The following TTF2 variants were observed in gnomAD, a reference collection of about 807,000 sequenced individuals.
The protein encoded by TTF2 is transcription termination factor 2, also known as RNA polymerase II termination factor.
A neutral mutation model predicts 142.4 loss-of-function variants in TTF2; 108 were observed. That is an observed-to-expected ratio of 0.76 (90% CI 0.65 to 0.89). TTF2 has a LOEUF of 0.89. Ranked by LOEUF, TTF2 falls within the 40% of genes least tolerant of loss-of-function variation. The probability of loss-of-function intolerance (pLI) is 0.00; values close to 1 mark genes in which losing one functional copy is unlikely to be tolerated. For synonymous variants in TTF2, 483 were observed against 506.2 expected, an observed-to-expected ratio of 0.95 and a Z score of 0.61; for missense variants, 1,327 against 1,379.8, an observed-to-expected ratio of 0.96 and a Z score of 0.61.
rs1358427935 is a variant in TTF2, at chr1:117,076,785, G to T, written c.1535G>T (p.Cys512Phe). Reference protein sequence around the residue: ...PVGSLELKSACQVTAGGSSQC... With the variant: ...PVGSLELKSAFQVTAGGSSQC... ...GGTTCTCTAGAACTAAAGTCTGCCT[G>T]CCAGGTGACTGCTGGAGGATCCAGT... Residue 512 changes from cysteine (C) to phenylalanine (F), a missense_variant, in exon 7 of 23, where the codon TGC becomes TTC. By Grantham distance (205) the Cys-to-Phe change is radical. Transcript: ENST00000369466. The surrounding 1 kb of genome is among the most constrained non-coding windows in gnomAD (Gnocchi z 4.6). 5 of 1,613,870 alleles carry T rather than the reference G, an allele frequency of 3.1e-6. No homozygotes were observed. The African/African-American group carries it at 6.7e-5, about 22-fold the overall frequency.
At chr1:117,067,137 G>T (rs77392162) in intron 3 of TTF2, among the ~76,000 whole-genome samples, 1 of 152,146 alleles carries the variant, frequency 6.6e-6, no homozygotes, top group African/African-American at 2.4e-5. Context: ...ACTGAGAAGG[G>T]TTTATTATTT....
intron 11 of TTF2, 35 bp downstream of exon 11, chr1:117,084,203 A>T (rs1232156064): frequency 6.2e-7 from 1 of 1,612,152 alleles, no homozygotes; most frequent in Non-Finnish European, 8.5e-7. Flanking sequence ...GGGGGCGTTC[A>T]GCACCTCTGC....
At position 117,073,628 on chromosome 1, in the gene TTF2, A is replaced by C. The variant is rs1470202456; in HGVS notation, c.219-33A>C. Reference sequence around the variant, plus strand: ...ATCTCTTGTTCTAATGGATTTTCATAGCCTTGATTATTTGTGTTTTATACT... The same window carrying C: ...ATCTCTTGTTCTAATGGATTTTCATCGCCTTGATTATTTGTGTTTTATACT... On this transcript the variant is annotated intron_variant, in intron 3 of 22. Coordinates refer to ENST00000369466, the MANE Select transcript of TTF2 (RefSeq NM_003594.4). This position sits in a 1 kb window ranked among gnomAD's most constrained non-coding sequence, Gnocchi z 4.4. 5 of 1,572,542 alleles carry C rather than the reference A, an allele frequency of 3.2e-6. No homozygotes were observed. Among genetic ancestry groups the C allele is most frequent in the Non-Finnish European group, 4.4e-6 (5 of 1,149,042 alleles).
rs1185502920 is a variant in TTF2 at position 117,106,525 on chromosome 1, A to G, written c.*5001A>G. The G allele has an allele frequency of 1.3e-5, 2 of 152,262 alleles. No individual in the cohort carries two copies. Among genetic ancestry groups the G allele is most frequent in the African/African-American group, 4.8e-5 (2 of 41,472 alleles). 9.4% of individuals were successfully genotyped at this position (152,262 alleles called of 1,614,324 possible). A position where few individuals can be genotyped will look rare whatever the true frequency, so the allele number is the denominator to read the frequency against. ...AGGCACTGCTGGGCACTGGAAATAT[A>G]AAAGTAAGCAAAAATGAAAAACTAT... is the stretch of plus-strand genomic sequence containing the variant. On this transcript the variant is annotated 3_prime_UTR_variant, in exon 23 of 23. Transcript: ENST00000369466.
intron 16 of TTF2, 74 bp downstream of exon 16, chr1:117,091,484 G>A: frequency 2.1e-6 from 3 of 1,444,294 alleles, no homozygotes; most frequent in Admixed American, 4.3e-5. Flanking sequence ...ACACAGAAAT[G>A]TGAGGTTATG....
Position 117,076,544 on chromosome 1 carries a change from G to A in TTF2, c.1391-97G>A. Reference sequence around the variant, plus strand: ...TTCTCTAGGAATCCTTCATCGGAATGGTGATGATCCCTCTCTCTTGACCTC... The same window carrying A: ...TTCTCTAGGAATCCTTCATCGGAATAGTGATGATCCCTCTCTCTTGACCTC... On this transcript the variant is annotated intron_variant, in intron 6 of 22. Transcript: ENST00000369466. The surrounding 1 kb of genome is among the most constrained non-coding windows in gnomAD (Gnocchi z 4.6). The A allele has an allele frequency of 7.7e-7, 1 of 1,300,936 alleles. No homozygotes were observed. Among genetic ancestry groups the A allele is most frequent in the Non-Finnish European group, 1.1e-6 (1 of 945,914 alleles). 80.6% of individuals were successfully genotyped at this position (1,300,936 alleles called of 1,614,324 possible).
At chr1:117,074,774 T>C (rs1375651014) in intron 4 of TTF2, 96 bp from the exon 5 acceptor site, 4 of 1,169,492 alleles carry the variant, frequency 3.4e-6, no homozygotes, top group Non-Finnish European at 4.7e-6. Flanking sequence ...ATGTACCCCC[T>C]GTATATAAAA....
intron 8 of TTF2, among the ~76,000 whole-genome samples, chr1:117,078,729 G>A (rs1647220965): frequency 1.3e-5 from 2 of 152,188 alleles, no homozygotes; most frequent in Admixed American, 1.3e-4. Context: ...TTTAAGCAGG[G>A]ATGACTGATG....
chr1:117,074,112 TCTC>T lies in TTF2; in HGVS notation c.285+388_285+390del, dbSNP rs575401661. Among the ~76,000 whole-genome samples the T allele has an allele frequency of 9.9e-5, 15 of 152,242 alleles. No homozygotes were observed. The East Asian group carries it at 2.9e-3, about 29-fold the overall frequency. ...TAGTATGTTAGAACTAGGAGGAGCA[TCTC>T]CTAATAGGAGAAGCCCTACAGATAT... On this transcript the variant is annotated intron_variant, in intron 4 of 22. Transcript: ENST00000369466.
chr1:117,078,527 A>G (rs1647208581), intron 8 of TTF2, among the ~76,000 whole-genome samples: 1 of 152,216 alleles, frequency 6.6e-6, no homozygotes, highest in South Asian at 2.1e-4. Context: ...GCAGAGAGGA[A>G]AGGAATAAAA....
chr1:117,094,361 A>C (rs1433127139), intron 18 of TTF2, among the ~76,000 whole-genome samples: 2 of 152,092 alleles, frequency 1.3e-5, no homozygotes, highest in Non-Finnish European at 2.9e-5. Context: ...CTTCTCCAGC[A>C]TTCTGGGGGT....
chr1:117,095,742 A>G (rs1364819863), intron 19 of TTF2, among the ~76,000 whole-genome samples: 1 of 152,146 alleles, frequency 6.6e-6, no homozygotes, highest in Admixed American at 6.5e-5. Context: ...ATTCAATATA[A>G]AAATTTAGAA....
intron 3 of TTF2, among the ~76,000 whole-genome samples, chr1:117,064,708 G>A (rs998898482): frequency 1.3e-5 from 2 of 151,890 alleles, no homozygotes; most frequent in African/African-American, 2.4e-5. Context: ...TAGTAGAAAC[G>A]GAGTTTCACC....
rs1327843505 is a variant in TTF2 at position 117,076,351 on chromosome 1, C to T, written c.1390+57C>T. On this transcript the variant is annotated intron_variant, in intron 6 of 22. Transcript: ENST00000369466. The surrounding 1 kb of genome is among the most constrained non-coding windows in gnomAD (Gnocchi z 4.6). ...TTGCATCGACTTTACAAGAGACATTCGGGAAGCCCTTTTAATAAAGAATGT... is the reference window on the plus strand; with the variant it reads ...TTGCATCGACTTTACAAGAGACATTTGGGAAGCCCTTTTAATAAAGAATGT... 5.1e-6 allele frequency: 7 copies of T among 1,371,358 alleles called. No individual in the cohort carries two copies. Among genetic ancestry groups the T allele is most frequent in the South Asian group, 2.5e-5 (2 of 80,042 alleles). The allele number at this position is 1,371,358 out of a possible 1,614,324, so 84.9% of individuals were successfully genotyped here. A position where few individuals can be genotyped will look rare whatever the true frequency, so the allele number is the denominator to read the frequency against.
At chr1:117,089,901 C>G (rs1648413931) in intron 13 of TTF2, among the ~76,000 whole-genome samples, 154 bp from the exon 14 acceptor site, 1 of 152,142 alleles carries the variant, frequency 6.6e-6, no homozygotes, top group Non-Finnish European at 1.5e-5. Flanking sequence ...ATCTGTCCAG[C>G]AAAGGTTTGC....
intron 3 of TTF2, among the ~76,000 whole-genome samples, chr1:117,072,513 C>T (rs1239563008): frequency 6.6e-6 from 1 of 150,930 alleles, no homozygotes; most frequent in African/African-American, 2.4e-5. Flanking sequence ...CAACCTACGC[C>T]TCCCGGGTTC....
chr1:117,065,021 A>G (rs1009191729), intron 3 of TTF2, among the ~76,000 whole-genome samples: 6 of 152,168 alleles, frequency 3.9e-5, no homozygotes, highest in Non-Finnish European at 8.8e-5. Context: ...TAAAAATTCA[A>G]TTGATCCAAT....
chr1:117,083,056 T>C (rs1210758679), intron 10 of TTF2, among the ~76,000 whole-genome samples: 2 of 151,808 alleles, frequency 1.3e-5, no homozygotes, highest in Non-Finnish European at 2.9e-5. Context: ...TCCTGACTAA[T>C]ACGGTGAAAC....
intron 3 of TTF2, among the ~76,000 whole-genome samples, chr1:117,066,189 G>T (rs559163168): frequency 6.6e-6 from 1 of 151,752 alleles, no homozygotes; most frequent in Non-Finnish European, 1.5e-5. Flanking sequence ...TTCAATATCC[G>T]TGTTTACCAG....
Sources: allele counts gnomAD v4.1 joint callset (sites outside exome capture counted in the v4.1 genomes callset), GRCh38; gene constraint gnomAD v4.1.1; non-coding constraint Gnocchi (gnomAD v3.1); transcripts MANE v1.5; gene names NCBI Gene and HGNC (gene_info 2026-07-23, HGNC 2026-07-21).